Variants in SYT9 observed in about 807,000 individuals in gnomAD.
SYT9 encodes synaptotagmin-9.
SYT9 carries 22 observed loss-of-function variants against 48.4 expected under a neutral mutation model. That is an observed-to-expected ratio of 0.45 (90% CI 0.32 to 0.65). The LOEUF is 0.65. SYT9 is among the 30% of genes least tolerant of loss of function. The pLI, the probability that SYT9 is intolerant of heterozygous loss-of-function variation, is 0.03. For synonymous variants in SYT9, 265 were observed against 245.0 expected, an observed-to-expected ratio of 1.08 and a Z score of -0.76; for missense variants, 577 against 622.0, an observed-to-expected ratio of 0.93 and a Z score of 0.77.
intron 1 of SYT9, among the ~76,000 whole-genome samples, chr11:7,242,082 A>G (rs1806349299): frequency 6.6e-6 from 1 of 152,256 alleles, no homozygotes; most frequent in African/African-American, 2.4e-5. Context: ...CACAGCACAC[A>G]GTATGTGATG....
At chr11:7,380,316 G>A (rs1396889764) in intron 3 of SYT9, among the ~76,000 whole-genome samples, 1 of 151,976 alleles carries the variant, frequency 6.6e-6, no homozygotes, top group Non-Finnish European at 1.5e-5. Flanking sequence ...GGAGTGTGGG[G>A]ATGGGTAATG....
rs34752256 is a variant in SYT9, at chr11:7,348,688, C to CTTTTTTTTTTTTTTTTTTTTTTTTT, written c.1044+34752_1044+34776dup. On this transcript the variant is annotated intron_variant, in intron 3 of 6. Transcript: ENST00000318881. ...CCAGGTATCAGAGCCATCAGACCTC[C>CTTTTTTTTTTTTTTTTTTTTTTTTT]TTTTTTTTTTTTTTTTTTTTTTTTT... Among the ~76,000 whole-genome samples the CTTTTTTTTTTTTTTTTTTTTTTTTT allele has an allele frequency of 8.7e-4, 41 of 47,114 alleles. 10 individuals are homozygous for CTTTTTTTTTTTTTTTTTTTTTTTTT. Among genetic ancestry groups the CTTTTTTTTTTTTTTTTTTTTTTTTT allele is most frequent in the Non-Finnish European group, 1.3e-3 (32 of 25,574 alleles). The allele number at this position is 47,114 out of a possible 152,430, so 30.9% of individuals were successfully genotyped here.
chr11:7,389,126 A>G (rs986551694), intron 3 of SYT9, among the ~76,000 whole-genome samples: 15 of 152,216 alleles, frequency 9.9e-5, no homozygotes, highest in Non-Finnish European at 4.4e-5. Flanking sequence ...CTAAACCCTT[A>G]GAATATTCTG....
intron 6 of SYT9, among the ~76,000 whole-genome samples, chr11:7,455,931 A>G (rs141583852): frequency 3.3e-5 from 5 of 152,352 alleles, no homozygotes; most frequent in African/African-American, 4.8e-5. Flanking sequence ...CAGGTGCCCA[A>G]GAAGGAAGTC....
At chr11:7,432,913 T>C (rs1259013774) in intron 6 of SYT9, among the ~76,000 whole-genome samples, 2 of 151,998 alleles carry the variant, frequency 1.3e-5, no homozygotes, top group Non-Finnish European at 2.9e-5. Context: ...TATTTTGCAA[T>C]ATGGGAAGAA....
chr11:7,277,363 A>G (rs921944433), intron 1 of SYT9, among the ~76,000 whole-genome samples: 1 of 152,226 alleles, frequency 6.6e-6, no homozygotes, highest in African/African-American at 2.4e-5. Flanking sequence ...TGAATTCATT[A>G]TGTGCTGTGT....
At chr11:7,294,314 G>A (rs1388612753) in intron 1 of SYT9, among the ~76,000 whole-genome samples, 1 of 152,082 alleles carries the variant, frequency 6.6e-6, no homozygotes. Context: ...CTTCTTAACT[G>A]CAAACTACAT....
chr11:7,322,934 C>T (rs942259680), intron 3 of SYT9, among the ~76,000 whole-genome samples: 21 of 151,992 alleles, frequency 1.4e-4, no homozygotes, highest in African/African-American at 4.8e-4. Context: ...GTGAAAGATA[C>T]TATATTGTGT....
chr11:7,447,815 C>G (rs1847963460), intron 6 of SYT9, among the ~76,000 whole-genome samples: 1 of 152,166 alleles, frequency 6.6e-6, no homozygotes, highest in Non-Finnish European at 1.5e-5. Flanking sequence ...ATCTCTGAAT[C>G]CTGAGGCCAT....
At chr11:7,453,920 C>T (rs1400766511) in intron 6 of SYT9, 3 of 898,294 alleles carry the variant, frequency 3.3e-6, no homozygotes, top group African/African-American at 1.8e-5. Context: ...CTCAGTCGCC[C>T]TCCTCAGGAG....
rs1051528220 is a variant in SYT9, at chr11:7,252,977, G to C, written c.145+646G>C. Among the ~76,000 whole-genome samples the C allele has an allele frequency of 2.0e-5, 3 of 152,260 alleles. No individual in the cohort carries two copies. Among genetic ancestry groups the C allele is most frequent in the African/African-American group, 7.2e-5 (3 of 41,478 alleles). The stretch of plus-strand genomic sequence containing the variant: ...CTAGGCTCGACCAGCGACTACCGCC[G>C]GCCACGATGGGGTTCGTAGACTCGT... On this transcript the variant is annotated intron_variant, in intron 1 of 6. Coordinates refer to ENST00000318881, the MANE Select transcript of SYT9 (RefSeq NM_175733.4). This position sits in a 1 kb window ranked among gnomAD's most constrained non-coding sequence, Gnocchi z 6.3.
intron 3 of SYT9, among the ~76,000 whole-genome samples, chr11:7,375,216 A>G (rs947684120): frequency 2.6e-5 from 4 of 152,182 alleles, no homozygotes; most frequent in Admixed American, 6.5e-5. Flanking sequence ...TTTGTCAAAG[A>G]TCAGATGGTT....
At chr11:7,267,288 TTAAAA>T (rs1490744313) in intron 1 of SYT9, among the ~76,000 whole-genome samples, 1 of 151,440 alleles carries the variant, frequency 6.6e-6, no homozygotes, top group Non-Finnish European at 1.5e-5. Flanking sequence ...AGTTATAGAG[TTAAAA>T]TAATAAAGAA....
chr11:7,313,086 C>T (rs537467509), intron 2 of SYT9, among the ~76,000 whole-genome samples: 1 of 152,092 alleles, frequency 6.6e-6, no homozygotes, highest in Admixed American at 6.5e-5. Flanking sequence ...TACATTCCAC[C>T]AGAGGAATAA....
chr11:7,360,090 A>G (rs1850102781), intron 3 of SYT9, among the ~76,000 whole-genome samples: 1 of 151,936 alleles, frequency 6.6e-6, no homozygotes, highest in South Asian at 2.1e-4. Flanking sequence ...TTTTCCCAGC[A>G]CCATTTATTA....
At chr11:7,295,341 C>T (rs971341399) in intron 1 of SYT9, among the ~76,000 whole-genome samples, 2 of 152,224 alleles carry the variant, frequency 1.3e-5, no homozygotes, top group Non-Finnish European at 2.9e-5. Flanking sequence ...TTACACAAAA[C>T]AGCAGAACAT....
At chr11:7,442,531 C>T (rs1159097456) in intron 6 of SYT9, among the ~76,000 whole-genome samples, 1 of 152,204 alleles carries the variant, frequency 6.6e-6, no homozygotes, top group Non-Finnish European at 1.5e-5. Context: ...TTCAGCTCCT[C>T]TTTCCACACA....
Position 7,303,276 on chromosome 11 carries a change from A to G in SYT9, c.383A>G (p.Lys128Arg), listed in dbSNP as rs1157974616. The G allele has an allele frequency of 3.7e-6, 6 of 1,613,702 alleles. No homozygotes were observed. The highest frequency in any genetic ancestry group is 5.1e-6 in the Non-Finnish European group (6 of 1,179,812). ...PPTPCPDSSMKISHTSPDIPL... is the reference protein window; with the variant it reads ...PPTPCPDSSMRISHTSPDIPL... ...ACGCCCTGCCCTGACTCCTCCATGA[A>G]GATCAGCCACACCTCCCCTGACATT... The change falls in exon 2 of 7, where the codon AAG becomes AGG. Residue 128 changes from lysine (K) to arginine (R), a missense_variant. Transcript: ENST00000318881.
At chr11:7,276,568 G>C (rs1019791594) in intron 1 of SYT9, among the ~76,000 whole-genome samples, 1 of 152,086 alleles carries the variant, frequency 6.6e-6, no homozygotes, top group African/African-American at 2.4e-5. Flanking sequence ...CTAACTGCAG[G>C]GTGTGCCCCA....
Sources: gnomAD v4.1 joint callset for allele counts (sites outside exome capture counted in the v4.1 genomes callset) on GRCh38, gnomAD v4.1.1 for gene constraint, Gnocchi (gnomAD v3.1) non-coding constraint, MANE v1.5 for transcripts, NCBI Gene and HGNC (gene_info 2026-07-23, HGNC 2026-07-21) for gene names.